Variants in NCKAP5 observed in about 807,000 individuals in gnomAD.
The protein encoded by NCKAP5 is NCK associated protein 5, also known as nck-associated protein 5.
Under a neutral mutation model 167.0 loss-of-function variants are expected in NCKAP5, and 92 were observed. The observed-to-expected ratio is 0.55, with a 90% CI of 0.47 to 0.66. The LOEUF (loss-of-function observed/expected upper bound fraction) is 0.66, where lower values mean the gene tolerates loss of function less well. Among genes scored for constraint, NCKAP5 ranks in the 30% least tolerant of loss-of-function variants. The probability of loss-of-function intolerance (pLI) is 0.00; values close to 1 mark genes in which losing one functional copy is unlikely to be tolerated. For synonymous variants in NCKAP5, 891 were observed against 877.4 expected (o/e 1.02, Z -0.27); for missense variants, 2,378 against 2,315.0 (o/e 1.03, Z -0.56).
intron 4 of NCKAP5, among the ~76,000 whole-genome samples, chr2:133,289,251 T>C (rs1300388408): frequency 2.0e-5 from 3 of 152,230 alleles, no homozygotes; most frequent in Admixed American, 1.3e-4. Context: ...TATCAAGCTA[T>C]TTAAAGGAGC....
intron 15 of NCKAP5, among the ~76,000 whole-genome samples, chr2:132,774,385 A>G (rs1034822356): frequency 2.6e-5 from 4 of 152,212 alleles, no homozygotes; most frequent in African/African-American, 7.2e-5. Context: ...GTAACTTAAG[A>G]AGATAATTTT....
intron 5 of NCKAP5, among the ~76,000 whole-genome samples, chr2:133,147,192 C>A (rs2083228667): frequency 6.6e-6 from 1 of 152,054 alleles, no homozygotes; most frequent in South Asian, 2.1e-4. Flanking sequence ...GAGTGTTGAA[C>A]TAATCACATC....
At chr2:133,006,596 T>C (rs1266989863) in intron 6 of NCKAP5, among the ~76,000 whole-genome samples, 2 of 150,106 alleles carry the variant, frequency 1.3e-5, no homozygotes, top group Non-Finnish European at 3.0e-5. Context: ...ATTTTCTACA[T>C]CTCACACAGT....
chr2:133,554,830 C>G (rs533004562), intron 2 of NCKAP5, among the ~76,000 whole-genome samples: 1 of 152,122 alleles, frequency 6.6e-6, no homozygotes, highest in South Asian at 2.1e-4. Context: ...AGGAGTTGTT[C>G]CAAGGCAAGG....
chr2:133,487,545 A>G (rs1244110359), intron 3 of NCKAP5, among the ~76,000 whole-genome samples: 1 of 152,174 alleles, frequency 6.6e-6, no homozygotes, highest in African/African-American at 2.4e-5. Flanking sequence ...ATTCATCCTG[A>G]TTCTAAAAAT....
chr2:133,394,458 G>C (rs1687615481), intron 3 of NCKAP5, among the ~76,000 whole-genome samples: 1 of 152,204 alleles, frequency 6.6e-6, no homozygotes, highest in African/African-American at 2.4e-5. Flanking sequence ...CAGGTGTGGG[G>C]TTGGAAGCTA....
At chr2:133,631,728 G>C in the NCKAP5 span, among the ~76,000 whole-genome samples, 11 of 152,316 alleles carry the variant, frequency 7.2e-5, no homozygotes, top group South Asian at 2.3e-3. Context: ...TGGCCAGGTA[G>C]ACTAGTCCCC....
intron 3 of NCKAP5, among the ~76,000 whole-genome samples, chr2:133,328,399 T>C (rs1232837917): frequency 6.6e-6 from 1 of 152,172 alleles, no homozygotes; most frequent in Admixed American, 6.5e-5. Flanking sequence ...GTAACTGAGC[T>C]CTTATAAGAA....
intron 4 of NCKAP5, among the ~76,000 whole-genome samples, chr2:133,296,288 T>G (rs1417193534): frequency 6.6e-6 from 1 of 152,030 alleles, no homozygotes; most frequent in East Asian, 1.9e-4. Flanking sequence ...CAGCTTCGAC[T>G]CCCTATGATT....
intron 7 of NCKAP5, among the ~76,000 whole-genome samples, chr2:132,979,798 TC>T (rs1371571885): frequency 1.3e-5 from 2 of 152,098 alleles, no homozygotes; most frequent in African/African-American, 4.8e-5. Flanking sequence ...TCGACTCCCA[TC>T]TTCTCCAGAA....
intron 6 of NCKAP5, among the ~76,000 whole-genome samples, chr2:133,090,877 T>C (rs2081156250): frequency 6.6e-6 from 1 of 152,150 alleles, no homozygotes; most frequent in Non-Finnish European, 1.5e-5. Context: ...TCCCAGGTAA[T>C]ACCTCGCTGA....
At chr2:133,605,091 G>A in the NCKAP5 span, among the ~76,000 whole-genome samples, 3 of 152,030 alleles carry the variant, frequency 2.0e-5, no homozygotes, top group Non-Finnish European at 4.4e-5. Context: ...CTACCTCCCC[G>A]GGCTGTTTGC....
At chr2:133,459,270 G>A (rs982960546) in intron 3 of NCKAP5, among the ~76,000 whole-genome samples, 5 of 152,074 alleles carry the variant, frequency 3.3e-5, no homozygotes, top group African/African-American at 7.2e-5. Context: ...GGTCTGGAAC[G>A]CCTGGCCTCA....
rs75802930 is a variant in NCKAP5 at position 133,401,132 on chromosome 2, C to T, written c.70-98022G>A. 3.5e-3 allele frequency among the ~76,000 whole-genome samples: 526 copies of T among 152,208 alleles called. 2 individuals are homozygous for T. The highest frequency in any genetic ancestry group is 0.012 in the African/African-American group (493 of 41,542). ...CAATGAACAACGATTTAATCAATCA[C>T]GTCTATGTAACAGAACGTCCACAAA... On this transcript the variant is annotated intron_variant, in intron 3 of 19. Coordinates refer to ENST00000409261, the MANE Select transcript of NCKAP5 (RefSeq NM_207363.3).
At chr2:132,994,049 A>G (rs1319500737) in intron 7 of NCKAP5, 103 bp downstream of exon 7, 1 of 789,850 alleles carries the variant, frequency 1.3e-6, no homozygotes, top group African/African-American at 1.8e-5. Context: ...TGGGGTCTGG[A>G]ACACACCTTT....
chr2:132,793,038 CT>C (rs566424082), intron 12 of NCKAP5, among the ~76,000 whole-genome samples: 50 of 152,144 alleles, frequency 3.3e-4, no homozygotes, highest in Non-Finnish European at 5.7e-4. Flanking sequence ...GAGTTTCACT[CT>C]TGTTGCCCAG....
Position 132,849,245 on chromosome 2 carries a change from C to T in NCKAP5, c.807+11247G>A, listed in dbSNP as rs185012975. Among the ~76,000 whole-genome samples the T allele has an allele frequency of 2.8e-3, 413 of 149,796 alleles. 3 individuals carry two copies. Among genetic ancestry groups the T allele is most frequent in the Middle Eastern group, 6.9e-3 (2 of 290 alleles). ...TTCTGTGATCCAGCCATGGCTCCCC[C>T]TCTTTTTGAAAGTTAACCACAAGAT... On this transcript the variant is annotated intron_variant, in intron 11 of 19. Coordinates refer to ENST00000409261, the MANE Select transcript of NCKAP5 (RefSeq NM_207363.3).
chr2:133,483,867 G>A (rs952784865), intron 3 of NCKAP5, among the ~76,000 whole-genome samples: 3 of 152,276 alleles, frequency 2.0e-5, no homozygotes, highest in Non-Finnish European at 4.4e-5. Flanking sequence ...CAAATTTCCT[G>A]GGTGATCCTG....
chr2:133,644,973 T>C, the NCKAP5 span, among the ~76,000 whole-genome samples: 1 of 152,210 alleles, frequency 6.6e-6, no homozygotes, highest in African/African-American at 2.4e-5. Context: ...CATAATTTAC[T>C]GTAGGCTAGC....
Sources: gnomAD v4.1 joint callset for allele counts (sites outside exome capture counted in the v4.1 genomes callset) on GRCh38, gnomAD v4.1.1 for gene constraint, MANE v1.5 for transcripts, NCBI Gene and HGNC (gene_info 2026-07-23, HGNC 2026-07-21) for gene names.